The following IGSF6 variants were observed in gnomAD, a reference collection of about 807,000 sequenced individuals.
IGSF6 encodes the protein down-regulated by activation (immunoglobulin superfamily).
A neutral mutation model predicts 24.7 loss-of-function variants in IGSF6; 23 were observed. The ratio of observed to expected loss-of-function variants is 0.93; its 90% CI spans 0.67 to 1.32. The LOEUF is 1.32. Among genes scored for constraint, IGSF6 ranks in the 40% most tolerant of loss-of-function variants. The pLI is 0.00. For missense variants in IGSF6, 295 were observed against 293.6 expected (o/e 1.00, Z -0.04); for synonymous variants, 110 against 113.7 (o/e 0.97, Z 0.21).
rs1230633820 is a variant in IGSF6 at position 21,641,299 on chromosome 16, A to T, written c.*235T>A. 2.9e-6 allele frequency: 1 copy of T among 341,684 alleles called. No individual in the cohort carries two copies. Among genetic ancestry groups the T allele is most frequent in the Non-Finnish European group, 5.3e-6 (1 of 188,008 alleles). The allele number at this position is 341,684 out of a possible 1,614,324, so 21.2% of individuals were successfully genotyped here. ...ACTCAGGATACAAGTTTAAAATAGA[A>T]TTTTTTTTCTTGGCAAATTTGGAAG... On this transcript the variant is annotated 3_prime_UTR_variant, in exon 6 of 6. Transcript: ENST00000268389.
rs1216052064 is a variant in IGSF6 at position 21,641,563 on chromosome 16, T to C, written c.697A>G (p.Arg233Gly). ...EKDNNTYENRRVLSNYERP is the reference protein window; with the variant it reads ...EKDNNTYENRGVLSNYERP ...GGCCTTTCATAGTTGGAAAGTACTC[T>C]TCTGTTTTCATAAGTGTTGTTATCT... The change falls in exon 6 of 6, where the codon AGA becomes GGA. Residue 233 changes from arginine (R) to glycine (G), a missense_variant. Transcript: ENST00000268389. 5.0e-6 allele frequency: 8 copies of C among 1,594,104 alleles called. No individual in the cohort carries two copies. In the East Asian group the frequency reaches 1.8e-4, roughly 36 times the overall value.
intron 2 of IGSF6, among the ~76,000 whole-genome samples, chr16:21,645,150 A>T (rs1476825016): frequency 6.6e-6 from 1 of 152,182 alleles, no homozygotes; most frequent in African/African-American, 2.4e-5. Flanking sequence ...TGTACTTTCC[A>T]ACTAAATATC....
At chr16:21,643,040 G>A (rs778855673) in intron 5 of IGSF6, 34 bp downstream of exon 5, 1 of 1,420,874 alleles carries the variant, frequency 7.0e-7, no homozygotes, top group Non-Finnish European at 9.9e-7. Flanking sequence ...CTTTATATCT[G>A]TATTTACATT....
rs767052856 is a variant in IGSF6, at chr16:21,647,256, A to G, written c.304T>C (p.Ser102Pro). Residue 102 changes from serine to proline, a missense_variant, in exon 2 of 6, where the codon TCC becomes CCC. Transcript: ENST00000268389. ...VREALKENQVSLTVNRVTSND... is the reference protein window; with the variant it reads ...VREALKENQVPLTVNRVTSND... The stretch of plus-strand genomic sequence containing the variant: ...GAAGTCACTCTGTTTACAGTGAGGG[A>G]AACTTGGTTTTCTTTGAGGGCCTCC... The G allele has an allele frequency of 8.7e-6, 14 of 1,613,990 alleles. No individual in the cohort carries two copies. The highest frequency in any genetic ancestry group is 1.7e-5 in the Admixed American group (1 of 59,986).
Position 21,643,581 on chromosome 16 carries a change from T to C in IGSF6, c.552A>G (p.Leu184=), listed in dbSNP as rs781584064. 2.5e-6 allele frequency: 4 copies of C among 1,607,228 alleles called. No individual in the cohort carries two copies. The South Asian group carries it at 4.4e-5, about 18-fold the overall frequency. The change falls in exon 4 of 6, where the codon CTA becomes CTG. Residue 184 remains leucine (L), a synonymous_variant. Transcript: ENST00000268389. ...ILLSKSKSNP[L]RNKEIKEDSQ... is the part of the protein sequence containing the mutation. ...AGTCTTCTTTTATTTCTTTGTTTCTTAGAGGGTTGGATTTTGACTGCCAAG... is the reference window on the plus strand; with the variant it reads ...AGTCTTCTTTTATTTCTTTGTTTCTCAGAGGGTTGGATTTTGACTGCCAAG...
chr16:21,643,048 A>G lies in IGSF6; in HGVS notation c.666+26T>C, dbSNP rs1454372. On this transcript the variant is annotated intron_variant, in intron 5 of 5. Coordinates refer to ENST00000268389, the MANE Select transcript of IGSF6 (RefSeq NM_005849.4). ...AAACGTGCTTTATATCTGTATTTAC[A>G]TTTTTTTTTGACATTTTACACTTAC... 50 of 1,458,396 alleles carry G rather than the reference A, an allele frequency of 3.4e-5. 1 individual carries two copies. Among genetic ancestry groups the G allele is most frequent in the Admixed American group, 1.2e-4 (7 of 57,532 alleles). The allele number at this position is 1,458,396 out of a possible 1,614,324, so 90.3% of individuals were successfully genotyped here. A position where few individuals can be genotyped will look rare whatever the true frequency, so the allele number is the denominator to read the frequency against.
chr16:21,647,047 CT>C (rs765839583), intron 2 of IGSF6, 85 bp downstream of exon 2: 183 of 1,568,082 alleles, frequency 1.2e-4, no homozygotes, highest in Non-Finnish European at 1.5e-4. Context: ...AATTTATCTC[CT>C]GATTTCTACA....
At chr16:21,644,953 C>G (rs1165116040) in intron 2 of IGSF6, among the ~76,000 whole-genome samples, 1 of 152,178 alleles carries the variant, frequency 6.6e-6, no homozygotes, top group Non-Finnish European at 1.5e-5. Context: ...CAAATGTGCT[C>G]TTCTTTCTTT....
chr16:21,643,633 T>A, intron 3 of IGSF6, 35 bp from the exon 4 acceptor site: 1 of 1,435,366 alleles, frequency 7.0e-7, no homozygotes, highest in Non-Finnish European at 9.7e-7. Context: ...ATGAAACATT[T>A]TATGTACTCA....
chr16:21,648,647 T>C (rs1966488980), intron 1 of IGSF6, among the ~76,000 whole-genome samples: 1 of 152,190 alleles, frequency 6.6e-6, no homozygotes, highest in Non-Finnish European at 1.5e-5. Context: ...GGAAAGCCAC[T>C]CGAGTGCACA....
chr16:21,644,538 C>A, intron 2 of IGSF6, 142 bp from the exon 3 acceptor site: 1 of 602,852 alleles, frequency 1.7e-6, no homozygotes, highest in Non-Finnish European at 2.9e-6. Flanking sequence ...AACTAGACCT[C>A]AAAAGGTACT....
In IGSF6 at chr16:21,643,071, T is replaced by TA. The variant is rs1433583539; in HGVS notation, c.666+2dup. 5.7e-6 allele frequency: 9 copies of TA among 1,591,786 alleles called. No homozygotes were observed. In the Admixed American group the frequency reaches 1.3e-4, roughly 24 times the overall value. ...ACATTTTTTTTTGACATTTTACACT[T>TA]ACAGATTGCTGATTTGTTTCCACAT... On this transcript the variant is annotated splice_region_variant and intron_variant, in intron 5 of 5. Coordinates refer to ENST00000268389, the MANE Select transcript of IGSF6 (RefSeq NM_005849.4).
chr16:21,643,230 T>A (rs1966324802), intron 4 of IGSF6, 76 bp from the exon 5 acceptor site: 1 of 1,126,642 alleles, frequency 8.9e-7, no homozygotes, highest in African/African-American at 1.5e-5. Context: ...TCAGAACTTT[T>A]CTTGCTCTAT....
chr16:21,646,701 C>G (rs1422336476), intron 2 of IGSF6: 1 of 254,468 alleles, frequency 3.9e-6, no homozygotes, highest in East Asian at 9.9e-5. Context: ...GTTGCCCAGA[C>G]TGGAGTGCAG....
chr16:21,642,932 A>G (rs999312976), intron 5 of IGSF6, 142 bp downstream of exon 5: 28 of 568,828 alleles, frequency 4.9e-5, no homozygotes, highest in African/African-American at 3.7e-4. Context: ...AACAGGTTCT[A>G]TATAAAAATA....
At position 21,644,467 on chromosome 16, in the gene IGSF6, T is replaced by C. The variant is rs1597784260; in HGVS notation, c.428-71A>G. The C allele has an allele frequency of 3.8e-6, 4 of 1,064,994 alleles. No homozygotes were observed. The East Asian group carries it at 9.7e-5, about 26-fold the overall frequency. The allele number at this position is 1,064,994 out of a possible 1,614,324, so 66.0% of individuals were successfully genotyped here. ...TTCTTTCAAATACATGTGTAAAGTATCCTTCACACTGCGTTTTAGAGGTGA... is the reference window on the plus strand; with the variant it reads ...TTCTTTCAAATACATGTGTAAAGTACCCTTCACACTGCGTTTTAGAGGTGA... On this transcript the variant is annotated intron_variant, in intron 2 of 5. Transcript: ENST00000268389.
chr16:21,643,358 A>G (rs1966328682), intron 4 of IGSF6, among the ~76,000 whole-genome samples, 190 bp downstream of exon 4: 1 of 152,198 alleles, frequency 6.6e-6, no homozygotes, highest in South Asian at 2.1e-4. Context: ...TTTAAGTCAC[A>G]GTTTACCCCT....
chr16:21,651,820 CT>C (rs1966584500), intron 1 of IGSF6: 1 of 152,070 alleles, frequency 6.6e-6, no homozygotes, highest in East Asian at 1.9e-4. Context: ...TAAAATAATG[CT>C]AATTAAAATA....
Position 21,644,323 on chromosome 16 carries a change from G to C in IGSF6, c.501C>G (p.Thr167=), listed in dbSNP as rs760364129. 1.2e-6 allele frequency: 2 copies of C among 1,613,738 alleles called. No individual in the cohort carries two copies. The highest frequency in any genetic ancestry group is 1.7e-5 in the Admixed American group (1 of 60,012). ...ALVSLLSVYV[T]GVCVAFILLS... ...GGAGTATGAAGGCCACGCACACACC[G>C]GTCACATAGACAGAGAGCAGTGATA... The change falls in exon 3 of 6, where the codon ACC becomes ACG. Residue 167 remains threonine, a synonymous_variant. Coordinates refer to ENST00000268389, the MANE Select transcript of IGSF6 (RefSeq NM_005849.4).
Sources: gnomAD v4.1 joint callset for allele counts (sites outside exome capture counted in the v4.1 genomes callset) on GRCh38, gnomAD v4.1.1 for gene constraint, MANE v1.5 for transcripts, NCBI Gene and HGNC (gene_info 2026-07-23, HGNC 2026-07-21) for gene names.